The following EPB42 variants were observed in gnomAD, a reference collection of about 807,000 sequenced individuals.
The protein encoded by EPB42 is protein 4.2.
Under a neutral mutation model 76.9 loss-of-function variants are expected in EPB42, and 49 were observed. The ratio of observed to expected loss-of-function variants is 0.64; its 90% CI spans 0.51 to 0.81. EPB42 has a LOEUF of 0.81. Among genes scored for constraint, EPB42 ranks in the 30% least tolerant of loss-of-function variants. EPB42 has a pLI of 0.00. For synonymous variants in EPB42, 310 were observed against 338.4 expected (o/e 0.92, Z 0.92); for missense variants, 731 against 867.6 (o/e 0.84, Z 1.98).
At chr15:43,213,639 G>A (rs975489497) in intron 3 of EPB42, among the ~76,000 whole-genome samples, 1 of 152,196 alleles carries the variant, frequency 6.6e-6, no homozygotes, top group Non-Finnish European at 1.5e-5. Context: ...GTGATCTGGG[G>A]GTACACCAAT....
rs755579126 is a variant in EPB42, at chr15:43,209,324, C to T, written c.782G>A (p.Arg261Gln). 3.1e-6 allele frequency: 5 copies of T among 1,613,970 alleles called. No individual in the cohort carries two copies. Among genetic ancestry groups the T allele is most frequent in the Admixed American group, 1.7e-5 (1 of 60,012 alleles). ...ILRQWLTGRG[R>Q]PVYDGQAWVL... is the part of the protein sequence containing the mutation. ...CCAGGCCTGGCCATCATACACAGGT[C>T]GGCCTCGGCCGGTGAGCCACTGCCG... The change falls in exon 6 of 13, where the codon CGA becomes CAA. Residue 261 changes from arginine (R) to glutamine (Q), a missense_variant. Physicochemically the swap from Arg to Gln is conservative, Grantham distance 43. Coordinates refer to ENST00000441366, the MANE Select transcript of EPB42 (RefSeq NM_001114134.2).
At chr15:43,208,133 C>G (rs1651546530) in intron 8 of EPB42, 97 bp downstream of exon 8, 1 of 1,054,768 alleles carries the variant, frequency 9.5e-7, no homozygotes. Context: ...TTCGAGGATG[C>G]AGACCCCCTT....
Position 43,215,306 on chromosome 15 carries a change from G to C in EPB42, c.219C>G (p.Asn73Lys). The change falls in exon 3 of 13, where the codon AAC becomes AAG. Residue 73 changes from asparagine to lysine, a missense_variant. Coordinates refer to ENST00000441366, the MANE Select transcript of EPB42 (RefSeq NM_001114134.2). ...AQTGEQPSKI[N>K]RTQATFPISS... is the part of the protein sequence containing the mutation. ...AAATTGGGAATGTGGCTTGGGTCCT[G>C]TTGATCTTGGAAGGCTGCTCTCCTG... 1 of 1,614,242 alleles carries C rather than the reference G, an allele frequency of 6.2e-7. No homozygotes were observed. The highest frequency in any genetic ancestry group is 8.5e-7 in the Non-Finnish European group (1 of 1,180,044).
intron 12 of EPB42, 73 bp downstream of exon 12, chr15:43,201,771 G>A (rs1248365100): frequency 6.3e-7 from 1 of 1,588,186 alleles, no homozygotes; most frequent in Admixed American, 1.7e-5. Context: ...CAAAGAGAGA[G>A]TTTCTCTCTT....
At chr15:43,214,046 G>A (rs1052588447) in intron 3 of EPB42, among the ~76,000 whole-genome samples, 18 of 152,210 alleles carry the variant, frequency 1.2e-4, no homozygotes, top group Non-Finnish European at 7.3e-5. Context: ...CCTCCTTCAG[G>A]CTGGCAGCAA....
chr15:43,211,817 C>G (rs2042302206), intron 3 of EPB42, among the ~76,000 whole-genome samples: 1 of 152,140 alleles, frequency 6.6e-6, no homozygotes, highest in Non-Finnish European at 1.5e-5. Context: ...GCCTATAATC[C>G]CAGCACTTTG....
chr15:43,211,379 T>A (rs1026635344), intron 4 of EPB42, 37 bp downstream of exon 4: 16 of 1,286,364 alleles, frequency 1.2e-5, no homozygotes, highest in Non-Finnish European at 1.7e-5. Context: ...TATGGGACAG[T>A]CACTCTACAC....
At chr15:43,224,251 A>G (rs1244853645), upstream of EPB42, among the ~76,000 whole-genome samples, 1 of 152,128 alleles carries the variant, frequency 6.6e-6, no homozygotes, top group African/African-American at 2.4e-5. Flanking sequence ...CATCATTCCT[A>G]TTGGATTGAA....
intron 12 of EPB42, among the ~76,000 whole-genome samples, chr15:43,200,673 G>C (rs866665835): frequency 1.3e-5 from 2 of 152,140 alleles, no homozygotes; most frequent in African/African-American, 2.4e-5. Flanking sequence ...AGGAGGGGTA[G>C]GAATACAGAA....
intron 1 of EPB42, 44 bp from the exon 2 acceptor site, chr15:43,216,497 A>G: frequency 6.3e-7 from 1 of 1,597,150 alleles, no homozygotes; most frequent in Non-Finnish European, 8.6e-7. Context: ...AGTACATGTG[A>G]CAATGTAAGT....
In EPB42 at chr15:43,198,657, T is replaced by A. The variant is rs565002893; in HGVS notation, c.1914-1193A>T. Among the ~76,000 whole-genome samples the A allele has an allele frequency of 3.3e-5, 5 of 152,318 alleles. No individual in the cohort carries two copies. In the South Asian group the frequency reaches 1.0e-3, roughly 32 times the overall value. On this transcript the variant is annotated intron_variant, in intron 12 of 12. Transcript: ENST00000441366. ...TTCAAGCTGGCTGCAGAAATTTGCATAAGTAACAAGGAGCCTAATGTTAAA... is the reference window on the plus strand; with the variant it reads ...TTCAAGCTGGCTGCAGAAATTTGCAAAAGTAACAAGGAGCCTAATGTTAAA...
Position 43,201,867 on chromosome 15 carries a change from G to T in EPB42, c.1890C>A (p.Leu630=). 6.2e-7 allele frequency: 1 copy of T among 1,614,196 alleles called. No individual in the cohort carries two copies. The highest frequency in any genetic ancestry group is 8.5e-7 in the Non-Finnish European group (1 of 1,180,032). ...DCVISILGRG[L]IHRERSYRFR... ...ACCTGTAGCTCCTCTCTCTGTGAAT[G>T]AGCCCCCTTCCCAGGATGGAGATCA... Residue 630 remains leucine, a synonymous_variant, in exon 12 of 13, where the codon CTC becomes CTA. Transcript: ENST00000441366.
chr15:43,208,487 C>T, intron 7 of EPB42, 150 bp downstream of exon 7: 1 of 1,415,932 alleles, frequency 7.1e-7, no homozygotes, highest in Non-Finnish European at 9.9e-7. Context: ...GGCGTGCACA[C>T]CATCACTGAC....
chr15:43,218,568 C>T (rs2042412414), intron 1 of EPB42, among the ~76,000 whole-genome samples: 1 of 152,182 alleles, frequency 6.6e-6, no homozygotes, highest in Admixed American at 6.5e-5. Flanking sequence ...CTGTGAGCTC[C>T]CCAAGATACA....
Position 43,208,290 on chromosome 15 carries a change from AG to A in EPB42, c.1014del (p.Leu339CysfsTer40), listed in dbSNP as rs2042236449. On this transcript the variant is annotated frameshift_variant, in exon 8 of 13. Transcript: ENST00000441366. LOFTEE classifies it high-confidence loss of function. Reference sequence around the variant, plus strand: ...TGCCATCCATCATAACCCTGGGGCAAGGCAGGCCGCGTCATCCAGCACTCTG... The same window carrying A: ...TGCCATCCATCATAACCCTGGGGCAAGCAGGCCGCGTCATCCAGCACTCTG... ...TSTECWMTRP[A>X]LPQGYDGWQI... 6.2e-7 allele frequency: 1 copy of A among 1,614,018 alleles called. No homozygotes were observed. The highest frequency in any genetic ancestry group is 1.3e-5 in the African/African-American group (1 of 74,934).
upstream of EPB42, among the ~76,000 whole-genome samples, chr15:43,223,472 A>G (rs1207300550): frequency 1.3e-5 from 2 of 152,244 alleles, no homozygotes; most frequent in African/African-American, 2.4e-5. Context: ...ATGATAGACA[A>G]TTCACAGAAA....
upstream of EPB42, among the ~76,000 whole-genome samples, chr15:43,225,250 C>CT (rs1315705486): frequency 6.6e-6 from 1 of 152,106 alleles, no homozygotes; most frequent in African/African-American, 2.4e-5. Context: ...AGGCACAAGG[C>CT]TTTTTTCTAT....
At chr15:43,220,605 C>G (rs1044820749) in intron 1 of EPB42, 2 of 963,396 alleles carry the variant, frequency 2.1e-6, no homozygotes, top group African/African-American at 3.2e-5. Flanking sequence ...ACACCACGCT[C>G]CACAGCCAGC....
chr15:43,220,730 C>T (rs550754800), intron 1 of EPB42, 86 bp downstream of exon 1: 1 of 1,611,894 alleles, frequency 6.2e-7, no homozygotes, highest in South Asian at 1.1e-5. Context: ...GCCTACCATC[C>T]ATCCCACTTC....
Sources: allele counts gnomAD v4.1 joint callset (sites outside exome capture counted in the v4.1 genomes callset), GRCh38; gene constraint gnomAD v4.1.1; transcripts MANE v1.5; gene names NCBI Gene and HGNC (gene_info 2026-07-23, HGNC 2026-07-21).